The following MTSS1 variants were observed in gnomAD, a reference collection of about 807,000 sequenced individuals.
The protein encoded by MTSS1 is protein MTSS 1.
Under a neutral mutation model 79.0 loss-of-function variants are expected in MTSS1, and 18 were observed. The ratio of observed to expected loss-of-function variants is 0.23; its 90% CI spans 0.16 to 0.34. MTSS1 has a LOEUF of 0.34. Among genes scored for constraint, MTSS1 ranks in the 10% least tolerant of loss-of-function variants. The pLI is 1.00. For missense variants in MTSS1, 815 were observed against 986.2 expected (o/e 0.83, Z 2.33); for synonymous variants, 341 against 368.6 (o/e 0.93, Z 0.86).
intron 3 of MTSS1, among the ~76,000 whole-genome samples, chr8:124,653,227 G>A (rs1168028500): frequency 2.6e-5 from 4 of 152,232 alleles, no homozygotes; most frequent in African/African-American, 9.6e-5. Context: ...TAGTGTGGCA[G>A]CCCTCTGAGG....
At chr8:124,567,946 G>T in intron 7 of MTSS1, 1 of 1,394,602 alleles carries the variant, frequency 7.2e-7, no homozygotes, top group Non-Finnish European at 9.3e-7. Context: ...TTCATCTCAT[G>T]GTCACCCCTT....
At chr8:124,592,330 G>A (rs1188573188) in intron 3 of MTSS1, among the ~76,000 whole-genome samples, 1 of 152,184 alleles carries the variant, frequency 6.6e-6, no homozygotes. Context: ...GTAGTTCTGC[G>A]CTGAACACTG....
At chr8:124,711,952 G>A (rs1831224840) in intron 1 of MTSS1, among the ~76,000 whole-genome samples, 1 of 150,992 alleles carries the variant, frequency 6.6e-6, no homozygotes, top group African/African-American at 2.4e-5. Context: ...AGGTTACAAT[G>A]AGCCGAGATC....
intron 3 of MTSS1, among the ~76,000 whole-genome samples, chr8:124,682,408 C>T (rs773445959): frequency 9.9e-5 from 15 of 152,216 alleles, no homozygotes; most frequent in Non-Finnish European, 2.2e-4. Context: ...CCCTTCAACG[C>T]TTCCTCTTCA....
chr8:124,692,997 TCC>T (rs1226457955), intron 3 of MTSS1, among the ~76,000 whole-genome samples: 11 of 151,988 alleles, frequency 7.2e-5, no homozygotes, highest in South Asian at 4.2e-4. Context: ...CCCCAGCATG[TCC>T]CCCGAGGCCC....
At chr8:124,626,591 A>G (rs1739579344) in intron 3 of MTSS1, among the ~76,000 whole-genome samples, 1 of 152,164 alleles carries the variant, frequency 6.6e-6, no homozygotes, top group African/African-American at 2.4e-5. Flanking sequence ...AGGGGGGCAG[A>G]GTGTGGGATG....
intron 3 of MTSS1, among the ~76,000 whole-genome samples, chr8:124,670,859 C>G (rs1420278885): frequency 6.6e-6 from 1 of 152,082 alleles, no homozygotes; most frequent in Non-Finnish European, 1.5e-5. Context: ...CTGAGGACAT[C>G]AAATAATTTC....
intron 10 of MTSS1, chr8:124,558,811 A>G: frequency 6.4e-7 from 1 of 1,568,182 alleles, no homozygotes; most frequent in Non-Finnish European, 8.6e-7. Context: ...GAGGCTTCGG[A>G]GGAGGCCGAG....
Position 124,553,293 on chromosome 8 carries a change from C to A in MTSS1, c.1967G>T (p.Gly656Val). ...ESPSVGEGPQ[G>V]VTSMPSSMWS... ...CATTGAGGAGGGCATGCTGGTGACA[C>A]CTTGGGGGCCCTCACCCACAGATGG... Residue 656 changes from glycine to valine, a missense_variant, in exon 14 of 14, where the codon GGT becomes GTT. By Grantham distance (109) the Gly-to-Val change is moderately radical. Around this residue, in one of 2 missense-constraint regions of MTSS1, gnomAD observed 590 missense variants for 620.8 expected, o/e 0.95. Coordinates refer to ENST00000518547, the MANE Select transcript of MTSS1 (RefSeq NM_014751.6). This position sits in a 1 kb window ranked among gnomAD's most constrained non-coding sequence, Gnocchi z 6.0. 6.2e-7 allele frequency: 1 copy of A among 1,614,154 alleles called. No individual in the cohort carries two copies. Among genetic ancestry groups the A allele is most frequent in the Non-Finnish European group, 8.5e-7 (1 of 1,180,022 alleles).
intron 10 of MTSS1, among the ~76,000 whole-genome samples, chr8:124,560,021 A>T (rs1020976515): frequency 1.3e-5 from 2 of 152,200 alleles, no homozygotes; most frequent in Non-Finnish European, 2.9e-5. Flanking sequence ...GCAAGGAGAC[A>T]ATCAGACACT....
Position 124,555,812 on chromosome 8 carries a change from A to T in MTSS1, c.1497T>A (p.Leu499=). 6.2e-7 allele frequency: 1 copy of T among 1,613,668 alleles called. No homozygotes were observed. Among genetic ancestry groups the T allele is most frequent in the South Asian group, 1.1e-5 (1 of 90,920 alleles). Residue 499 remains leucine (L), a synonymous_variant, in exon 13 of 14, where the codon CTT becomes CTA. Coordinates refer to ENST00000518547, the MANE Select transcript of MTSS1 (RefSeq NM_014751.6). ...GGGTGCTGTAGCCGCTGGAGCACTGAAGCGAGTCCCGGCTGCTCCTCTGGG... is the reference window on the plus strand; with the variant it reads ...GGGTGCTGTAGCCGCTGGAGCACTGTAGCGAGTCCCGGCTGCTCCTCTGGG... ...LDTQRSSRDS[L]QCSSGYSTQT... is the part of the protein sequence containing the mutation.
At chr8:124,607,114 A>C (rs572758027) in intron 3 of MTSS1, among the ~76,000 whole-genome samples, 10 of 152,340 alleles carry the variant, frequency 6.6e-5, no homozygotes, top group Non-Finnish European at 1.2e-4. Context: ...AAGTGGAACC[A>C]GGCAGACATG....
At chr8:124,712,689 A>C (rs912166802) in intron 1 of MTSS1, among the ~76,000 whole-genome samples, 1 of 152,142 alleles carries the variant, frequency 6.6e-6, no homozygotes, top group Non-Finnish European at 1.5e-5. Flanking sequence ...ATCCCTGTCC[A>C]TCAAGCGGAT....
rs1345245060 is a variant in MTSS1, at chr8:124,565,750, C to T, written c.736G>A (p.Asp246Asn). Residue 246 changes from aspartate (D) to asparagine (N), a missense_variant, in exon 9 of 14, where the codon GAC becomes AAC. Physicochemically the swap from Asp to Asn is conservative, Grantham distance 23. Around this residue, in one of 2 missense-constraint regions of MTSS1, gnomAD observed 225 missense variants for 365.4 expected, o/e 0.62. Transcript: ENST00000518547. ...LPSSSEQVIL[D>N]LKGSDYSWSY... ...CAGCTGTAATCAGAACCTTTCAAGT[C>T]CAGAATCACCTAAGGGGACAGAGCC... 3 of 1,613,362 alleles carry T rather than the reference C, an allele frequency of 1.9e-6. No homozygotes were observed. The Admixed American group carries it at 5.0e-5, about 27-fold the overall frequency.
intron 4 of MTSS1, 96 bp from the exon 5 acceptor site, chr8:124,589,807 T>C (rs1831517453): frequency 2.3e-6 from 2 of 886,994 alleles, no homozygotes; most frequent in Non-Finnish European, 3.7e-6. Context: ...TAAATCACAA[T>C]TACCCGAAAC....
chr8:124,617,949 C>T (rs1028756913), intron 3 of MTSS1, among the ~76,000 whole-genome samples: 7 of 152,288 alleles, frequency 4.6e-5, no homozygotes, highest in Non-Finnish European at 7.4e-5. Flanking sequence ...GCCCTCATTA[C>T]GCCCTGACTC....
At chr8:124,670,117 T>C (rs1043824742) in intron 3 of MTSS1, among the ~76,000 whole-genome samples, 1 of 152,088 alleles carries the variant, frequency 6.6e-6, no homozygotes, top group Non-Finnish European at 1.5e-5. Context: ...GAATTCTAAG[T>C]GCCATAAAAC....
intron 3 of MTSS1, among the ~76,000 whole-genome samples, chr8:124,692,598 G>A (rs1828128883): frequency 6.6e-6 from 1 of 152,126 alleles, no homozygotes; most frequent in Admixed American, 6.5e-5. Flanking sequence ...TCCCCTCAGA[G>A]GAAAGATTCC....
At chr8:124,612,943 C>A (rs1836151630) in intron 3 of MTSS1, among the ~76,000 whole-genome samples, 2 of 152,212 alleles carry the variant, frequency 1.3e-5, no homozygotes, top group African/African-American at 4.8e-5. Context: ...GCTATCCCTG[C>A]AAATTTCAGT....
Sources: gnomAD v4.1 joint callset for allele counts (sites outside exome capture counted in the v4.1 genomes callset) on GRCh38, gnomAD v4.1.1 for gene constraint, gnomAD v4.1.1 regional missense constraint, Gnocchi (gnomAD v3.1) non-coding constraint, MANE v1.5 for transcripts, NCBI Gene and HGNC (gene_info 2026-07-23, HGNC 2026-07-21) for gene names.